ZC3H13: variants seen among roughly 807,000 people sequenced by gnomAD.
ZC3H13 encodes zinc finger CCCH-type containing 13.
ZC3H13 carries 64 observed loss-of-function variants against 204.1 expected under a neutral mutation model. That is an observed-to-expected ratio of 0.31 (90% confidence interval 0.26 to 0.39). ZC3H13 has a LOEUF of 0.39. Ranked by LOEUF, ZC3H13 falls within the 10% of genes least tolerant of loss-of-function variation. The pLI is 1.00. For synonymous variants in ZC3H13, 667 were observed against 693.7 expected, an observed-to-expected ratio of 0.96 and a Z score of 0.60; for missense variants, 1,833 against 2,082.7, an observed-to-expected ratio of 0.88 and a Z score of 2.33.
intron 18 of ZC3H13, 117 bp from the exon 19 acceptor site, chr13:45,957,414 T>C: frequency 2.0e-6 from 2 of 991,688 alleles, no homozygotes; most frequent in Non-Finnish European, 2.6e-6. Flanking sequence ...ATTTTGGATA[T>C]TAAATTAGCT....
intron 5 of ZC3H13, among the ~76,000 whole-genome samples, chr13:46,017,127 T>C (rs1377295860): frequency 6.6e-6 from 1 of 152,072 alleles, no homozygotes; most frequent in Non-Finnish European, 1.5e-5. Flanking sequence ...AATGAAGCAC[T>C]GGGTGCATGA....
At chr13:45,959,745 G>A in intron 17 of ZC3H13, 99 bp from the exon 18 acceptor site, 2 of 1,274,182 alleles carry the variant, frequency 1.6e-6, no homozygotes, top group South Asian at 2.0e-5. Flanking sequence ...CTTTATTAAA[G>A]TTAGCAACAT....
intron 17 of ZC3H13, 29 bp downstream of exon 17, chr13:45,963,813 A>G (rs1188442673): frequency 1.9e-6 from 3 of 1,613,256 alleles, no homozygotes; most frequent in South Asian, 2.2e-5. Flanking sequence ...GTTAACAGAC[A>G]TTATATAGTT....
Position 45,975,852 on chromosome 13 carries a change from C to T in ZC3H13, c.1913-14G>A. ...TTGGTCTTTGATCTACAATGAAAAT[C>T]AAGTTTTGTCAGTGATTAATTTGAC... On this transcript the variant is annotated splice_polypyrimidine_tract_variant and intron_variant, in intron 11 of 18. Transcript: ENST00000679008. 1 of 1,602,358 alleles carries T rather than the reference C, an allele frequency of 6.2e-7. No homozygotes were observed. Among genetic ancestry groups the T allele is most frequent in the South Asian group, 1.1e-5 (1 of 89,924 alleles).
chr13:46,018,428 G>A (rs1203870786), intron 5 of ZC3H13, among the ~76,000 whole-genome samples: 1 of 152,110 alleles, frequency 6.6e-6, no homozygotes, highest in Non-Finnish European at 1.5e-5. Flanking sequence ...GAAAATGGAT[G>A]TTAAAGATAT....
At chr13:46,002,006 G>C (rs1593618706) in intron 8 of ZC3H13, among the ~76,000 whole-genome samples, 1 of 149,684 alleles carries the variant, frequency 6.7e-6, no homozygotes, top group East Asian at 1.9e-4. Flanking sequence ...TCTTATCTCT[G>C]TTAAGGGGTT....
intron 5 of ZC3H13, among the ~76,000 whole-genome samples, chr13:46,019,218 A>G (rs1462239569): frequency 6.6e-6 from 1 of 152,168 alleles, no homozygotes; most frequent in Admixed American, 6.6e-5. Context: ...GATAATTCTG[A>G]AATATAGTAG....
chr13:45,982,012 G>A (rs1457621888), intron 10 of ZC3H13, among the ~76,000 whole-genome samples: 4 of 148,466 alleles, frequency 2.7e-5, no homozygotes, highest in African/African-American at 9.9e-5. Flanking sequence ...AAAACTTAAA[G>A]TATAATAATA....
chr13:45,960,498 A>G (rs894929690), intron 17 of ZC3H13, among the ~76,000 whole-genome samples: 3 of 152,228 alleles, frequency 2.0e-5, no homozygotes, highest in African/African-American at 7.2e-5. Flanking sequence ...AGATTTGGTC[A>G]CCATAAAAAC....
At chr13:46,038,735 T>G (rs1457495253) in intron 4 of ZC3H13, among the ~76,000 whole-genome samples, 1 of 152,100 alleles carries the variant, frequency 6.6e-6, no homozygotes, top group African/African-American at 2.4e-5. Context: ...ACACTAAAAA[T>G]AATTAATACC....
chr13:45,960,804 G>A (rs1333112197), intron 17 of ZC3H13, among the ~76,000 whole-genome samples: 1 of 152,128 alleles, frequency 6.6e-6, no homozygotes, highest in Non-Finnish European at 1.5e-5. Context: ...AGCAGTAAAC[G>A]CCTGGGTAAA....
chr13:46,010,283 C>G, intron 7 of ZC3H13, 65 bp downstream of exon 7: 1 of 1,447,430 alleles, frequency 6.9e-7, no homozygotes, highest in Non-Finnish European at 9.3e-7. Context: ...TTATAACCTA[C>G]TAATTCTTTT....
At chr13:46,044,093 G>A (rs2043773362) in intron 3 of ZC3H13, among the ~76,000 whole-genome samples, 3 of 150,914 alleles carry the variant, frequency 2.0e-5, no homozygotes, top group Admixed American at 2.0e-4. Flanking sequence ...AAAAGAAGTT[G>A]GCTAATGTTG....
At chr13:45,963,770 G>C in intron 17 of ZC3H13, 72 bp downstream of exon 17, 1 of 1,600,002 alleles carries the variant, frequency 6.2e-7, no homozygotes, top group Non-Finnish European at 8.5e-7. Flanking sequence ...CATAAGAACA[G>C]ATCAGAATCC....
In ZC3H13 at chr13:45,956,921, G is replaced by C. The variant is rs147545250; in HGVS notation, c.*206C>G. 4 of 371,174 alleles carry C rather than the reference G, an allele frequency of 1.1e-5. No individual in the cohort carries two copies. The highest frequency in any genetic ancestry group is 2.1e-5 in the African/African-American group (1 of 48,126). 23.0% of individuals were successfully genotyped at this position (371,174 alleles called of 1,614,324 possible). ...GATGTTTTCACATTATTTTGCATGA[G>C]TGTCAAATACTATGTAAAAATTAAC... is the stretch of plus-strand genomic sequence containing the variant. On this transcript the variant is annotated 3_prime_UTR_variant, in exon 19 of 19. Transcript: ENST00000679008.
chr13:46,042,259 T>G lies in ZC3H13; in HGVS notation c.244A>C (p.Thr82Pro), dbSNP rs769300170. ...SNYRRSPERP[T>P]GDLRERMKNK... Reference sequence around the variant, plus strand: ...TTCATTCTTTCTCTAAGATCCCCTGTAGGTCTTTCTGGTGACCTTTGAACC... The same window carrying G: ...TTCATTCTTTCTCTAAGATCCCCTGGAGGTCTTTCTGGTGACCTTTGAACC... The change falls in exon 4 of 19, where the codon ACA (threonine) becomes CCA (proline). Residue 82 changes from threonine (T) to proline (P), a missense_variant. Transcript: ENST00000679008. 9.3e-6 allele frequency: 15 copies of G among 1,612,528 alleles called. No individual in the cohort carries two copies. In the African/African-American group the frequency reaches 1.9e-4, roughly 20 times the overall value.
chr13:46,021,160 T>C (rs1384160873), intron 4 of ZC3H13, among the ~76,000 whole-genome samples: 1 of 152,014 alleles, frequency 6.6e-6, no homozygotes, highest in Non-Finnish European at 1.5e-5. Context: ...TACAAAAATA[T>C]ATTTTACCCA....
At chr13:46,024,987 T>C (rs1445256737) in intron 4 of ZC3H13, among the ~76,000 whole-genome samples, 2 of 152,218 alleles carry the variant, frequency 1.3e-5, no homozygotes, top group African/African-American at 2.4e-5. Context: ...ACCTCTTATA[T>C]TGGATTTACT....
At chr13:46,004,439 C>G (rs557518306) in intron 7 of ZC3H13, among the ~76,000 whole-genome samples, 1 of 152,078 alleles carries the variant, frequency 6.6e-6, no homozygotes, top group Admixed American at 6.5e-5. Context: ...ACTCCAGAGG[C>G]TGAGGCAGGA....
Sources: allele counts gnomAD v4.1 joint callset (sites outside exome capture counted in the v4.1 genomes callset), GRCh38; gene constraint gnomAD v4.1.1; transcripts MANE v1.5; gene names NCBI Gene and HGNC (gene_info 2026-07-23, HGNC 2026-07-21).